The following UGGT2 variants were observed in gnomAD, a reference collection of about 807,000 sequenced individuals.
UGGT2 encodes UDP-glucose glycoprotein glucosyltransferase 2, also known as UDP-glucose:glycoprotein glucosyltransferase 2.
Under a neutral mutation model 192.1 loss-of-function variants are expected in UGGT2, and 180 were observed. That is an observed-to-expected ratio of 0.94 (90% CI 0.83 to 1.06). The LOEUF (loss-of-function observed/expected upper bound fraction) is 1.06, where lower values mean the gene tolerates loss of function less well. Ranked by LOEUF, UGGT2 falls within the 50% of genes least tolerant of loss-of-function variation. The pLI is 0.00. For missense variants in UGGT2, 1,849 were observed against 1,795.7 expected (o/e 1.03, Z -0.54); for synonymous variants, 580 against 591.0 (o/e 0.98, Z 0.27).
intron 6 of UGGT2, among the ~76,000 whole-genome samples, chr13:95,998,112 T>C (rs1000672353): frequency 6.6e-6 from 1 of 152,142 alleles, no homozygotes; most frequent in African/African-American, 2.4e-5. Flanking sequence ...AAAGGTCTGA[T>C]ACATGTATAC....
At chr13:95,891,222 G>A (rs2047792446) in intron 24 of UGGT2, among the ~76,000 whole-genome samples, 1 of 152,086 alleles carries the variant, frequency 6.6e-6, no homozygotes, top group Non-Finnish European at 1.5e-5. Context: ...GATCCCATTA[G>A]TGTAAAAACT....
chr13:95,888,892 T>C (rs978874218), intron 25 of UGGT2, among the ~76,000 whole-genome samples: 1 of 152,104 alleles, frequency 6.6e-6, no homozygotes, highest in Non-Finnish European at 1.5e-5. Flanking sequence ...TAGGTCACTG[T>C]TAACTTCAAA....
chr13:95,928,917 G>C (rs1434631840), intron 17 of UGGT2, among the ~76,000 whole-genome samples: 1 of 152,206 alleles, frequency 6.6e-6, no homozygotes, highest in African/African-American at 2.4e-5. Flanking sequence ...TGAGCACTAA[G>C]TGAGCGAGAC....
intron 10 of UGGT2, among the ~76,000 whole-genome samples, chr13:95,975,154 G>A (rs1363028520): frequency 1.3e-5 from 2 of 152,108 alleles, no homozygotes; most frequent in Non-Finnish European, 2.9e-5. Context: ...AGGACAGAGA[G>A]GAAGTAGGAA....
Position 95,937,038 on chromosome 13 carries a change from A to G in UGGT2, c.1863T>C (p.Ala621=), listed in dbSNP as rs1358792725. The G allele has an allele frequency of 1.2e-6, 2 of 1,604,394 alleles. No homozygotes were observed. Among genetic ancestry groups the G allele is most frequent in the African/African-American group, 2.7e-5 (2 of 74,334 alleles). The change falls in exon 17 of 39, where the codon GCT becomes GCC. Residue 621 remains alanine (A), a synonymous_variant. Transcript: ENST00000376747. ...GTTTAAAGGGTTCACCATTATAAAGAGCTTGAGGCAAAGGACCCAGGCCAG... is the reference window on the plus strand; with the variant it reads ...GTTTAAAGGGTTCACCATTATAAAGGGCTTGAGGCAAAGGACCCAGGCCAG... The part of the protein sequence containing the change: ...KMTGLGPLPQ[A]LYNGEPFKHE...
intron 27 of UGGT2, among the ~76,000 whole-genome samples, chr13:95,884,251 G>A (rs531630180): frequency 1.3e-5 from 2 of 151,810 alleles, no homozygotes; most frequent in South Asian, 4.2e-4. Context: ...AGTAGTCTCA[G>A]GCAAAAAGAA....
At chr13:95,882,624 T>C (rs1410737559) in intron 27 of UGGT2, among the ~76,000 whole-genome samples, 1 of 152,114 alleles carries the variant, frequency 6.6e-6, no homozygotes, top group Admixed American at 6.5e-5. Context: ...TCACCTAAAC[T>C]ATGAAGACAC....
At position 95,859,009 on chromosome 13, in the gene UGGT2, G is replaced by A. The variant is rs140410119; in HGVS notation, c.3825+582C>T. On this transcript the variant is annotated intron_variant, in intron 33 of 38. Coordinates refer to ENST00000376747, the MANE Select transcript of UGGT2 (RefSeq NM_020121.4). Reference sequence around the variant, plus strand: ...TTGCTGCGGAGACACTAAATTTCACGGAATTTGATTATGCTGTAGGGAGAA... The same window carrying A: ...TTGCTGCGGAGACACTAAATTTCACAGAATTTGATTATGCTGTAGGGAGAA... Among the ~76,000 whole-genome samples the A allele has an allele frequency of 8.2e-4, 125 of 152,156 alleles. No homozygotes were observed. In the Middle Eastern group the frequency reaches 0.01, roughly 12 times the overall value.
chr13:95,884,949 T>C (rs990108673), intron 26 of UGGT2, among the ~76,000 whole-genome samples: 4 of 152,316 alleles, frequency 2.6e-5, no homozygotes, highest in Non-Finnish European at 5.9e-5. Flanking sequence ...ATACCTGACT[T>C]ATGCAGGTTC....
intron 38 of UGGT2, among the ~76,000 whole-genome samples, chr13:95,813,014 C>T (rs772079109): frequency 2.0e-5 from 3 of 152,192 alleles, no homozygotes; most frequent in Non-Finnish European, 2.9e-5. Context: ...CATGCTTGTA[C>T]AGCCTGAGAA....
At position 96,039,966 on chromosome 13, in the gene UGGT2, T is replaced by C. The variant is rs1176700972; in HGVS notation, c.159-7995A>G. Among the ~76,000 whole-genome samples, 7 of 152,338 alleles carry C rather than the reference T, an allele frequency of 4.6e-5. No individual in the cohort carries two copies. The South Asian group carries it at 6.2e-4, about 14-fold the overall frequency. ...ATGATGACAGAAGTTTTTTCAACTA[T>C]GCCCTTTAATCTCTTCTAAGCCCTC... is the stretch of plus-strand genomic sequence containing the variant. On this transcript the variant is annotated intron_variant, in intron 1 of 38. Transcript: ENST00000376747.
chr13:96,051,900 C>T (rs139641035), intron 1 of UGGT2, among the ~76,000 whole-genome samples: 2,182 of 152,280 alleles, frequency 0.014, 23 homozygotes, highest in Non-Finnish European at 0.021. Flanking sequence ...CTAGTATAAC[C>T]ACTATGGAAA....
At chr13:96,021,545 C>A (rs1335901431) in intron 4 of UGGT2, among the ~76,000 whole-genome samples, 2 of 151,972 alleles carry the variant, frequency 1.3e-5, no homozygotes. Flanking sequence ...TTAAAGATGT[C>A]AAATAATTTC....
chr13:95,991,485 GAAAT>G, intron 7 of UGGT2: 1 of 453,966 alleles, frequency 2.2e-6, no homozygotes, highest in South Asian at 1.6e-5. Context: ...TTTGAAAAGT[GAAAT>G]AAAAAATACA....
chr13:95,887,686 G>A (rs2047683489), intron 26 of UGGT2, among the ~76,000 whole-genome samples: 3 of 151,954 alleles, frequency 2.0e-5, no homozygotes, highest in Admixed American at 6.6e-5. Context: ...CTGTAATTAG[G>A]TCAGATCACT....
At position 95,849,274 on chromosome 13, in the gene UGGT2, C is replaced by T. The variant is rs370101322; in HGVS notation, c.4284+4269G>A. ...TCTTATGGCCAGGCACAGTGGTTCA[C>T]GCCTGTAATCCCAGCACTTTGGGAG... On this transcript the variant is annotated intron_variant, in intron 36 of 38. Transcript: ENST00000376747. Among the ~76,000 whole-genome samples, 43 of 152,212 alleles carry T rather than the reference C, an allele frequency of 2.8e-4. No individual in the cohort carries two copies. In the East Asian group the frequency reaches 5.0e-3, roughly 18 times the overall value.
rs548252609 is a variant in UGGT2 at position 95,860,004 on chromosome 13, T to C, written c.3741-329A>G. The C allele has an allele frequency of 5.5e-5, 9 of 162,844 alleles. No individual in the cohort carries two copies. The East Asian group carries it at 1.4e-3, about 25-fold the overall frequency. 10.1% of individuals were successfully genotyped at this position (162,844 alleles called of 1,614,324 possible). On this transcript the variant is annotated intron_variant, in intron 32 of 38. Coordinates refer to ENST00000376747, the MANE Select transcript of UGGT2 (RefSeq NM_020121.4). ...CAGCTGTCCATGACTGTGTGATTAA[T>C]ATTAAGTCTACAAACCCTGAAGAGC...
intron 15 of UGGT2, among the ~76,000 whole-genome samples, chr13:95,945,008 TC>T (rs1306773743): frequency 1.3e-5 from 2 of 151,972 alleles, no homozygotes; most frequent in East Asian, 3.8e-4. Context: ...AAAGTTTATT[TC>T]CCCTAATATT....
intron 36 of UGGT2, among the ~76,000 whole-genome samples, chr13:95,851,876 T>A (rs1889087146): frequency 6.6e-6 from 1 of 152,096 alleles, no homozygotes; most frequent in Non-Finnish European, 1.5e-5. Flanking sequence ...TAGACTTTCA[T>A]TCATATTTAA....
Sources: allele counts gnomAD v4.1 joint callset (sites outside exome capture counted in the v4.1 genomes callset), GRCh38; gene constraint gnomAD v4.1.1; transcripts MANE v1.5; gene names NCBI Gene and HGNC (gene_info 2026-07-23, HGNC 2026-07-21).